CCSER1: variants seen among roughly 807,000 people sequenced by gnomAD.
The protein encoded by CCSER1 is serine-rich coiled-coil domain-containing protein 1.
A neutral mutation model predicts 82.0 loss-of-function variants in CCSER1; 41 were observed. That is an observed-to-expected ratio of 0.50 (90% CI 0.39 to 0.65). CCSER1 has a LOEUF of 0.65. Ranked by LOEUF, CCSER1 falls within the 30% of genes least tolerant of loss-of-function variation. CCSER1 has a pLI of 0.00. For missense variants in CCSER1, 1,119 were observed against 1,064.2 expected (o/e 1.05, Z -0.72); for synonymous variants, 414 against 383.9 (o/e 1.08, Z -0.92).
chr4:91,489,874 T>C (rs1040948171), intron 10 of CCSER1, among the ~76,000 whole-genome samples: 1 of 152,102 alleles, frequency 6.6e-6, no homozygotes, highest in African/African-American at 2.4e-5. Context: ...CGAATATATA[T>C]GGACCTCAAA....
intron 10 of CCSER1, among the ~76,000 whole-genome samples, chr4:91,403,833 T>C (rs1033925145): frequency 1.3e-5 from 2 of 152,216 alleles, no homozygotes; most frequent in African/African-American, 4.8e-5. Flanking sequence ...TCGATGTTCA[T>C]CAGGGATATT....
chr4:90,951,104 G>T (rs979521442), intron 9 of CCSER1: 1 of 152,072 alleles, frequency 6.6e-6, no homozygotes, highest in South Asian at 2.1e-4. Context: ...ACCTCTGTAT[G>T]ATTTCTCAGG....
chr4:90,933,064 A>AGG (rs1730388574), intron 9 of CCSER1, among the ~76,000 whole-genome samples: 1 of 113,594 alleles, frequency 8.8e-6, no homozygotes, highest in African/African-American at 4.2e-5. Context: ...GAACGAAGGA[A>AGG]AGAAGAAAAG....
chr4:91,297,365 T>TTGTGTGTGTGTGTGTGTGTGTG (rs764634343), intron 10 of CCSER1, among the ~76,000 whole-genome samples: 1 of 128,814 alleles, frequency 7.8e-6, no homozygotes, highest in Non-Finnish European at 1.7e-5. Flanking sequence ...GAATGGATGC[T>TTGTGTGTGTGTGTGTGTGTGTG]TGTGTGTGTG....
At chr4:91,021,981 C>G (rs1376122250) in intron 9 of CCSER1, among the ~76,000 whole-genome samples, 1 of 151,878 alleles carries the variant, frequency 6.6e-6, no homozygotes, top group Non-Finnish European at 1.5e-5. Context: ...TGTGAATATT[C>G]TCAAAATCAG....
intron 6 of CCSER1, among the ~76,000 whole-genome samples, chr4:90,721,126 A>G (rs76834942): frequency 0.016 from 2,414 of 152,048 alleles, 70 homozygotes; most frequent in African/African-American, 0.055. Context: ...TAAGGATGAC[A>G]CTTAGGAGAA....
chr4:90,395,915 CAAA>C (rs57765593), intron 3 of CCSER1, among the ~76,000 whole-genome samples: 1 of 102,072 alleles, frequency 9.8e-6, no homozygotes. Context: ...ACTAAAAATA[CAAA>C]AAAAAAAAAA....
chr4:90,488,689 G>A (rs750706717), intron 5 of CCSER1, among the ~76,000 whole-genome samples: 10 of 152,094 alleles, frequency 6.6e-5, no homozygotes, highest in Non-Finnish European at 1.2e-4. Flanking sequence ...ACAAAACTTA[G>A]GGTATAATTG....
chr4:91,450,457 T>C (rs981134316), intron 10 of CCSER1, among the ~76,000 whole-genome samples: 2 of 152,022 alleles, frequency 1.3e-5, no homozygotes, highest in Admixed American at 1.3e-4. Flanking sequence ...CTAAAAATCT[T>C]GATACAATAT....
chr4:91,168,486 C>T (rs1416118511), intron 10 of CCSER1, among the ~76,000 whole-genome samples: 1 of 146,760 alleles, frequency 6.8e-6, no homozygotes, highest in African/African-American at 2.6e-5. Context: ...GCCGCCCCGT[C>T]TGGGAAGCAG....
chr4:90,781,225 A>G (rs1211972508), intron 7 of CCSER1: 1 of 980,202 alleles, frequency 1.0e-6, no homozygotes, highest in Non-Finnish European at 1.2e-6. Context: ...AAATTTCCAA[A>G]CTATATCACT....
chr4:91,153,938 G>C (rs1379001097), intron 10 of CCSER1, among the ~76,000 whole-genome samples: 1 of 152,000 alleles, frequency 6.6e-6, no homozygotes, highest in Non-Finnish European at 1.5e-5. Flanking sequence ...GTGCCTCCCA[G>C]TTAGGCTACT....
At position 90,628,010 on chromosome 4, in the gene CCSER1, T is replaced by C; in HGVS notation, c.1725-15T>C. On this transcript the variant is annotated splice_polypyrimidine_tract_variant and intron_variant, in intron 5 of 10. Transcript: ENST00000509176. Reference sequence around the variant, plus strand: ...GCTGCACTGTAATTTTTGTTCTTTTTTTTTTTCTTGTTAGGAATCTTTCCC... The same window carrying C: ...GCTGCACTGTAATTTTTGTTCTTTTCTTTTTTCTTGTTAGGAATCTTTCCC... The C allele has an allele frequency of 6.2e-7, 1 of 1,610,732 alleles. No homozygotes were observed. Among genetic ancestry groups the C allele is most frequent in the African/African-American group, 1.3e-5 (1 of 74,954 alleles).
chr4:90,234,210 T>TA (rs1745302703), intron 1 of CCSER1, among the ~76,000 whole-genome samples: 1 of 151,682 alleles, frequency 6.6e-6, no homozygotes, highest in African/African-American at 2.4e-5. Flanking sequence ...CAGCCTCTCT[T>TA]ATTCTTTTTT....
intron 8 of CCSER1, among the ~76,000 whole-genome samples, chr4:90,851,146 A>C (rs1422096167): frequency 6.6e-6 from 1 of 152,196 alleles, no homozygotes; most frequent in African/African-American, 2.4e-5. Context: ...TAGGCATGTG[A>C]AACTGTGAGT....
At chr4:90,139,814 G>A (rs1724400120) in intron 1 of CCSER1, among the ~76,000 whole-genome samples, 1 of 151,958 alleles carries the variant, frequency 6.6e-6, no homozygotes, top group Non-Finnish European at 1.5e-5. Flanking sequence ...ACAAAAATTA[G>A]CCAGGTGTGG....
chr4:91,418,457 TATTAA>T (rs1753508667), intron 10 of CCSER1, among the ~76,000 whole-genome samples: 1 of 151,500 alleles, frequency 6.6e-6, no homozygotes, highest in Non-Finnish European at 1.5e-5. Context: ...AAATATACAC[TATTAA>T]ATTGTGTAAC....
At chr4:91,167,093 T>C (rs1353724696) in intron 10 of CCSER1, among the ~76,000 whole-genome samples, 1 of 152,166 alleles carries the variant, frequency 6.6e-6, no homozygotes. Flanking sequence ...TAAATGTATT[T>C]TTGCCATTAC....
intron 3 of CCSER1, among the ~76,000 whole-genome samples, chr4:90,363,528 T>A (rs184311386): frequency 7.2e-4 from 110 of 152,206 alleles, no homozygotes; most frequent in African/African-American, 2.1e-3. Context: ...TTGAGAGTTT[T>A]ATTCTAAAAA....
Sources: allele counts gnomAD v4.1 joint callset (sites outside exome capture counted in the v4.1 genomes callset), GRCh38; gene constraint gnomAD v4.1.1; transcripts MANE v1.5; gene names NCBI Gene and HGNC (gene_info 2026-07-23, HGNC 2026-07-21).